PTK2B: variants seen among roughly 807,000 people sequenced by gnomAD.
The protein encoded by PTK2B is protein-tyrosine kinase 2-beta.
In PTK2B, 71 loss-of-function variants were observed where a neutral mutation model predicts 142.9. The ratio of observed to expected loss-of-function variants is 0.50; its 90% CI spans 0.41 to 0.61. The LOEUF (loss-of-function observed/expected upper bound fraction) is 0.61. Ranked by LOEUF, PTK2B falls within the 20% of genes least tolerant of loss-of-function variation. PTK2B has a pLI of 0.00. For missense variants in PTK2B, 1,105 were observed against 1,320.4 expected (o/e 0.84, Z 2.53); for synonymous variants, 519 against 503.4 (o/e 1.03, Z -0.42).
intron 1 of PTK2B, among the ~76,000 whole-genome samples, chr8:27,331,711 T>A (rs982346639): frequency 6.6e-5 from 10 of 152,082 alleles, no homozygotes; most frequent in Admixed American, 2.6e-4. Flanking sequence ...GGTCTCGAAC[T>A]CCTGACCTCA....
chr8:27,321,397 C>T (rs952017703), upstream of PTK2B, among the ~76,000 whole-genome samples: 38 of 152,126 alleles, frequency 2.5e-4, no homozygotes, highest in African/African-American at 7.2e-4. Context: ...ATAGTATCAC[C>T]GATGCAGTTC....
chr8:27,420,800 G>A, intron 4 of PTK2B, 56 bp downstream of exon 4: 3 of 1,463,540 alleles, frequency 2.0e-6, no homozygotes, highest in Non-Finnish European at 2.9e-6. Context: ...CAAATGCCAA[G>A]CATGAACCGT....
At chr8:27,415,847 T>G (rs1809370042) in intron 2 of PTK2B, among the ~76,000 whole-genome samples, 1 of 152,200 alleles carries the variant, frequency 6.6e-6, no homozygotes, top group African/African-American at 2.4e-5. Flanking sequence ...ATATATATGT[T>G]GAAAATGATA....
intron 1 of PTK2B, among the ~76,000 whole-genome samples, chr8:27,347,647 T>A (rs1005301984): frequency 6.6e-6 from 1 of 152,176 alleles, no homozygotes; most frequent in African/African-American, 2.4e-5. Context: ...CATACTGGAT[T>A]AGGGCCCACC....
At chr8:27,404,678 C>T (rs1367088) in intron 2 of PTK2B, among the ~76,000 whole-genome samples, 85,465 of 151,984 alleles carry the variant, frequency 0.56, 24,244 homozygotes, top group Non-Finnish European at 0.59. Context: ...CAATCCCTTC[C>T]AGAAATCCCC....
chr8:27,433,343 T>C (rs759866505), intron 10 of PTK2B, 92 bp from the exon 11 acceptor site: 1 of 1,117,708 alleles, frequency 8.9e-7, no homozygotes, highest in Admixed American at 1.9e-5. Context: ...GCAAGGGTTG[T>C]GGCAGGGGTC....
At chr8:27,342,404 A>C (rs989944330) in intron 1 of PTK2B, among the ~76,000 whole-genome samples, 8 of 151,400 alleles carry the variant, frequency 5.3e-5, no homozygotes, top group African/African-American at 1.9e-4. Flanking sequence ...CTCTCACCTC[A>C]GCCTCCCGAG....
chr8:27,360,561 A>G (rs772726153), intron 1 of PTK2B, among the ~76,000 whole-genome samples: 1 of 144,456 alleles, frequency 6.9e-6, no homozygotes, highest in Admixed American at 6.9e-5. Context: ...ATGGAAGCCA[A>G]TGTGACTTGT....
At chr8:27,345,324 C>T (rs1169456182) in intron 1 of PTK2B, among the ~76,000 whole-genome samples, 2 of 152,234 alleles carry the variant, frequency 1.3e-5, no homozygotes, top group Non-Finnish European at 2.9e-5. Context: ...ATTTAGTGAG[C>T]ACATGTTTCT....
At chr8:27,441,485 T>C (rs985813241) in intron 21 of PTK2B, among the ~76,000 whole-genome samples, 1 of 152,214 alleles carries the variant, frequency 6.6e-6, no homozygotes, top group African/African-American at 2.4e-5. Flanking sequence ...GTAGTCAACA[T>C]GTTGCCTTGT....
chr8:27,444,838 C>T (rs145593245), intron 23 of PTK2B, among the ~76,000 whole-genome samples: 109 of 152,304 alleles, frequency 7.2e-4, no homozygotes, highest in African/African-American at 2.3e-3. Flanking sequence ...TCCCCCAGCT[C>T]AGAGCCACTG....
intron 18 of PTK2B, chr8:27,438,134 CCTT>C: frequency 2.4e-6 from 1 of 414,962 alleles, no homozygotes. Flanking sequence ...TATATCAAGA[CCTT>C]CTAGCCCCTC....
intron 1 of PTK2B, among the ~76,000 whole-genome samples, chr8:27,337,158 C>T (rs1364348951): frequency 6.6e-6 from 1 of 151,120 alleles, no homozygotes; most frequent in Admixed American, 6.6e-5. Context: ...CTTTTTTTGA[C>T]AAGAGTCTTG....
chr8:27,330,741 C>T (rs566674935), intron 1 of PTK2B, among the ~76,000 whole-genome samples: 1 of 152,118 alleles, frequency 6.6e-6, no homozygotes, highest in African/African-American at 2.4e-5. Flanking sequence ...CTGCATGTTC[C>T]GACACACTTT....
At chr8:27,342,193 A>C (rs1433366029) in intron 1 of PTK2B, among the ~76,000 whole-genome samples, 1 of 150,710 alleles carries the variant, frequency 6.6e-6, no homozygotes, top group Non-Finnish European at 1.5e-5. Context: ...AGAACCCCCT[A>C]CTCCACGGGT....
At chr8:27,360,182 G>A (rs1391438564) in intron 1 of PTK2B, among the ~76,000 whole-genome samples, 1 of 152,204 alleles carries the variant, frequency 6.6e-6, no homozygotes, top group Non-Finnish European at 1.5e-5. Context: ...ATTGGCAAAA[G>A]CTCACTTTCA....
Position 27,425,361 on chromosome 8 carries a change from C to A in PTK2B, c.551+2978C>A, listed in dbSNP as rs552904587. ...AATATATTTAAAGTACTTAGAGCAACGACAGGGACCAAAGTATTCAATAAT... is the reference window on the plus strand; with the variant it reads ...AATATATTTAAAGTACTTAGAGCAAAGACAGGGACCAAAGTATTCAATAAT... On this transcript the variant is annotated intron_variant, in intron 5 of 30. Transcript: ENST00000346049. Among the ~76,000 whole-genome samples, 16 of 152,106 alleles carry A rather than the reference C, an allele frequency of 1.1e-4. No homozygotes were observed. The South Asian group carries it at 3.1e-3, about 30-fold the overall frequency.
chr8:27,447,152 T>C (rs1374178742), intron 24 of PTK2B, among the ~76,000 whole-genome samples: 1 of 152,234 alleles, frequency 6.6e-6, no homozygotes, highest in African/African-American at 2.4e-5. Context: ...TTCCTGCTTC[T>C]CCACAAGGAC....
At chr8:27,371,876 C>T (rs1039186351) in intron 1 of PTK2B, among the ~76,000 whole-genome samples, 3 of 152,178 alleles carry the variant, frequency 2.0e-5, no homozygotes, top group Non-Finnish European at 4.4e-5. Context: ...GAAGAGTTCA[C>T]TTCCTGATTT....
Sources: gnomAD v4.1 joint callset for allele counts (sites outside exome capture counted in the v4.1 genomes callset) on GRCh38, gnomAD v4.1.1 for gene constraint, MANE v1.5 for transcripts, NCBI Gene and HGNC (gene_info 2026-07-23, HGNC 2026-07-21) for gene names.